MBD5: variants seen among roughly 807,000 people sequenced by gnomAD.
MBD5 encodes methyl-CpG binding domain protein 5.
A neutral mutation model predicts 117.3 loss-of-function variants in MBD5; 13 were observed. The observed-to-expected ratio is 0.11, with a 90% confidence interval of 0.07 to 0.18. The LOEUF (loss-of-function observed/expected upper bound fraction) is 0.18. Ranked by LOEUF, MBD5 falls within the 10% of genes least tolerant of loss-of-function variation. MBD5 has a pLI of 1.00. For missense variants in MBD5, 1,879 were observed against 2,093.8 expected (o/e 0.90, Z 2.00); for synonymous variants, 727 against 766.4 (o/e 0.95, Z 0.85).
chr2:148,288,875 C>G (rs905834471), intron 3 of MBD5, among the ~76,000 whole-genome samples: 2 of 152,140 alleles, frequency 1.3e-5, no homozygotes, highest in Non-Finnish European at 2.9e-5. Flanking sequence ...CAAGACTTCT[C>G]TGTGTTTTCT....
intron 4 of MBD5, among the ~76,000 whole-genome samples, chr2:148,393,009 T>C (rs969851074): frequency 1.3e-5 from 2 of 152,158 alleles, no homozygotes; most frequent in African/African-American, 4.8e-5. Context: ...TAGCCTGTAA[T>C]CCTCTGCTAG....
intron 3 of MBD5, among the ~76,000 whole-genome samples, chr2:148,266,808 G>C (rs949011121): frequency 1.3e-5 from 2 of 152,104 alleles, no homozygotes; most frequent in Non-Finnish European, 2.9e-5. Flanking sequence ...ATAAAACTTT[G>C]CTGAGAGACA....
At chr2:148,332,795 T>C (rs995011488) in intron 3 of MBD5, among the ~76,000 whole-genome samples, 1 of 152,160 alleles carries the variant, frequency 6.6e-6, no homozygotes, top group Non-Finnish European at 1.5e-5. Flanking sequence ...AGGTACTCAG[T>C]GAGCCCTTTT....
chr2:148,341,895 C>G (rs1324463656), intron 3 of MBD5, among the ~76,000 whole-genome samples: 1 of 151,782 alleles, frequency 6.6e-6, no homozygotes, highest in Non-Finnish European at 1.5e-5. Flanking sequence ...TATAAAGGAT[C>G]TAGCATTGTG....
At position 148,444,324 on chromosome 2, in the gene MBD5, A is replaced by G. The variant is rs1050528045; in HGVS notation, c.-556-13879A>G. Among the ~76,000 whole-genome samples, 3 of 151,098 alleles carry G rather than the reference A, an allele frequency of 2.0e-5. 1 individual carries two copies. The highest frequency in any genetic ancestry group is 7.4e-5 in the African/African-American group (3 of 40,538). Reference sequence around the variant, plus strand: ...CTGCACTCACATCTATTCCTTTCTTATTAAAGCAAATCATCACTCTTTGAT... The same window carrying G: ...CTGCACTCACATCTATTCCTTTCTTGTTAAAGCAAATCATCACTCTTTGAT... On this transcript the variant is annotated intron_variant, in intron 4 of 13. Transcript: ENST00000642680.
intron 1 of MBD5, among the ~76,000 whole-genome samples, chr2:148,024,615 A>G (rs763933268): frequency 3.9e-5 from 6 of 152,160 alleles, no homozygotes; most frequent in Non-Finnish European, 8.8e-5. Context: ...CTCCCTTGCC[A>G]CAATTTTCAC....
At chr2:148,054,472 C>T (rs1386381670) in intron 1 of MBD5, 1 of 152,162 alleles carries the variant, frequency 6.6e-6, no homozygotes, top group Non-Finnish European at 1.5e-5. Context: ...GATAACACTG[C>T]TCTAGAACAA....
chr2:148,267,444 A>G (rs1325127407), intron 3 of MBD5, among the ~76,000 whole-genome samples: 1 of 152,202 alleles, frequency 6.6e-6, no homozygotes, highest in East Asian at 1.9e-4. Flanking sequence ...TATTTTGAAC[A>G]TATTAAAAAG....
chr2:148,248,544 A>T (rs1700390606), intron 3 of MBD5, among the ~76,000 whole-genome samples: 1 of 152,178 alleles, frequency 6.6e-6, no homozygotes, highest in South Asian at 2.1e-4. Flanking sequence ...GTCAAAAATT[A>T]AAAACCAAGG....
intron 1 of MBD5, among the ~76,000 whole-genome samples, chr2:148,069,940 G>A (rs1404627517): frequency 6.6e-6 from 1 of 152,052 alleles, no homozygotes; most frequent in Non-Finnish European, 1.5e-5. Flanking sequence ...GTCAATGTGT[G>A]GGGAACATTT....
At chr2:148,119,908 CT>C (rs34565714) in intron 1 of MBD5, among the ~76,000 whole-genome samples, 89 of 144,882 alleles carry the variant, frequency 6.1e-4, no homozygotes, top group South Asian at 6.5e-4. Context: ...TGTAATTTGC[CT>C]TTTTTTTTTT....
chr2:148,259,862 A>G (rs138983443), intron 3 of MBD5, among the ~76,000 whole-genome samples: 30 of 152,300 alleles, frequency 2.0e-4, no homozygotes, highest in Middle Eastern at 3.4e-3. Context: ...TCCTGACTGA[A>G]GCGCAGCCAT....
chr2:148,197,386 G>T (rs1250343948), intron 2 of MBD5, among the ~76,000 whole-genome samples: 1 of 152,126 alleles, frequency 6.6e-6, no homozygotes, highest in Non-Finnish European at 1.5e-5. Context: ...ACAAACTAAT[G>T]ATTGTTTGTT....
At chr2:148,274,545 C>A (rs1358004077) in intron 3 of MBD5, among the ~76,000 whole-genome samples, 2 of 152,110 alleles carry the variant, frequency 1.3e-5, no homozygotes, top group Non-Finnish European at 2.9e-5. Flanking sequence ...AATACTCCTT[C>A]ACAGTTAAAA....
At chr2:148,219,822 TAA>T (rs1215339873) in intron 2 of MBD5, 1 of 152,182 alleles carries the variant, frequency 6.6e-6, no homozygotes, top group Non-Finnish European at 1.5e-5. Flanking sequence ...TAAACATGCT[TAA>T]GTTTAATTGA....
intron 4 of MBD5, among the ~76,000 whole-genome samples, chr2:148,366,466 G>C (rs1048948858): frequency 6.6e-6 from 1 of 152,176 alleles, no homozygotes; most frequent in Non-Finnish European, 1.5e-5. Flanking sequence ...AGTGTTGGAA[G>C]TTCTGGCCAG....
intron 3 of MBD5, among the ~76,000 whole-genome samples, chr2:148,276,480 T>G (rs934633632): frequency 6.6e-6 from 1 of 152,232 alleles, no homozygotes; most frequent in East Asian, 1.9e-4. Flanking sequence ...CTTATTTTGC[T>G]AAACCATTTA....
intron 2 of MBD5, among the ~76,000 whole-genome samples, chr2:148,188,768 T>C (rs889587643): frequency 2.0e-5 from 3 of 150,134 alleles, no homozygotes; most frequent in Admixed American, 6.6e-5. Flanking sequence ...GATGGCCGAA[T>C]AGGAACAGCT....
chr2:148,468,379 A>G lies in MBD5; in HGVS notation c.436A>G (p.Arg146Gly), dbSNP rs2105622427. The G allele has an allele frequency of 6.2e-7, 1 of 1,613,686 alleles. No individual in the cohort carries two copies. Among genetic ancestry groups the G allele is most frequent in the Non-Finnish European group, 8.5e-7 (1 of 1,179,794 alleles). Residue 146 changes from arginine (R) to glycine (G), a missense_variant, in exon 8 of 14, where the codon AGA becomes GGA. Coordinates refer to ENST00000642680, the MANE Select transcript of MBD5 (RefSeq NM_001378120.1). ...PVVPSRAATP[R>G]SVRNKSHEGI... is the part of the protein sequence containing the mutation. The stretch of plus-strand genomic sequence containing the variant: ...AGTACCTTCTCGGGCAGCAACTCCA[A>G]GATCAGTAAGAAATAAGTCTCATGA...
Sources: gnomAD v4.1 joint callset for allele counts (sites outside exome capture counted in the v4.1 genomes callset) on GRCh38, gnomAD v4.1.1 for gene constraint, MANE v1.5 for transcripts, NCBI Gene and HGNC (gene_info 2026-07-23, HGNC 2026-07-21) for gene names.